RBFOX1: variants seen among roughly 807,000 people sequenced by gnomAD.
The protein encoded by RBFOX1 is RNA binding protein fox-1 homolog 1.
In RBFOX1, 8 loss-of-function variants were observed where a neutral mutation model predicts 57.7. The observed-to-expected ratio is 0.14, with a 90% CI of 0.08 to 0.25. RBFOX1 has a LOEUF of 0.25. RBFOX1 is among the 10% of genes least tolerant of loss of function. RBFOX1 has a pLI of 1.00. For synonymous variants in RBFOX1, 326 were observed against 222.4 expected (o/e 1.47, Z -4.15); for missense variants, 611 against 548.5 (o/e 1.11, Z -1.14).
chr16:6,633,718 C>G (rs369618889), intron 2 of RBFOX1, among the ~76,000 whole-genome samples: 1 of 152,060 alleles, frequency 6.6e-6, no homozygotes, highest in South Asian at 2.1e-4. Flanking sequence ...ACTTTGGAAT[C>G]GAGGCTCTAG....
chr16:5,836,133 C>G (rs79435968), intron 3 of RBFOX1, among the ~76,000 whole-genome samples: 2 of 152,074 alleles, frequency 1.3e-5, no homozygotes, highest in African/African-American at 4.8e-5. Flanking sequence ...GAGGCTGAGC[C>G]GGGGAGGGCA....
intron 4 of RBFOX1, among the ~76,000 whole-genome samples, chr16:7,505,954 G>A (rs1381302992): frequency 1.3e-5 from 2 of 152,034 alleles, no homozygotes; most frequent in Non-Finnish European, 2.9e-5. Flanking sequence ...GGGAGGCTGA[G>A]GTGAGTGGAT....
chr16:7,162,242 C>T (rs758600232), intron 4 of RBFOX1, among the ~76,000 whole-genome samples: 1 of 152,166 alleles, frequency 6.6e-6, no homozygotes, highest in African/African-American at 2.4e-5. Context: ...TATCTGTCCA[C>T]TCATCCATCA....
intron 3 of RBFOX1, among the ~76,000 whole-genome samples, chr16:5,830,071 A>C (rs927909842): frequency 6.6e-6 from 1 of 152,144 alleles, no homozygotes; most frequent in African/African-American, 2.4e-5. Context: ...CCACACTGCC[A>C]CTTTTCTTCA....
intron 1 of RBFOX1, among the ~76,000 whole-genome samples, chr16:5,464,616 C>G (rs1427972396): frequency 9.5e-6 from 1 of 104,826 alleles, no homozygotes; most frequent in African/African-American, 3.7e-5. Context: ...ACAGTGTTCT[C>G]CTCCCCAGAC....
At chr16:7,428,649 G>C (rs1198962697) in intron 4 of RBFOX1, among the ~76,000 whole-genome samples, 1 of 151,752 alleles carries the variant, frequency 6.6e-6, no homozygotes, top group Admixed American at 6.6e-5. Context: ...GGGATTACAG[G>C]TGTGAGTCAC....
intron 3 of RBFOX1, among the ~76,000 whole-genome samples, chr16:5,688,689 T>C (rs2050577455): frequency 6.6e-6 from 1 of 152,168 alleles, no homozygotes; most frequent in South Asian, 2.1e-4. Context: ...ACATGTAAAT[T>C]AATGAGACAT....
At chr16:6,880,047 T>C (rs1391490957) in intron 3 of RBFOX1, among the ~76,000 whole-genome samples, 2 of 152,218 alleles carry the variant, frequency 1.3e-5, no homozygotes, top group Non-Finnish European at 2.9e-5. Context: ...TCCATGCAAG[T>C]AAATTTTCCT....
intron 3 of RBFOX1, among the ~76,000 whole-genome samples, chr16:6,870,551 A>T (rs377149078): frequency 2.6e-5 from 4 of 152,208 alleles, no homozygotes; most frequent in African/African-American, 7.2e-5. Context: ...CACCTTGTAT[A>T]ACTTTTGCAG....
intron 3 of RBFOX1, among the ~76,000 whole-genome samples, chr16:6,780,345 A>ATATATTTTTATATGTATT (rs1555461169): frequency 1.2e-5 from 1 of 80,558 alleles, no homozygotes; most frequent in South Asian, 5.4e-4. Context: ...ATACATATTT[A>ATATATTTTTATATGTATT]TATACATATT....
intron 1 of RBFOX1, among the ~76,000 whole-genome samples, chr16:6,261,582 A>C (rs925663067): frequency 5.3e-5 from 8 of 152,108 alleles, no homozygotes; most frequent in African/African-American, 1.2e-4. Context: ...CCAGTCCATC[A>C]AGCTTCACCA....
At chr16:5,435,639 G>C (rs766535858) in intron 1 of RBFOX1, among the ~76,000 whole-genome samples, 2 of 152,122 alleles carry the variant, frequency 1.3e-5, no homozygotes, top group African/African-American at 4.8e-5. Context: ...GTCACCATAG[G>C]TCCCATGTTT....
chr16:7,182,318 C>CAA (rs1225082676), intron 4 of RBFOX1, among the ~76,000 whole-genome samples: 2 of 150,460 alleles, frequency 1.3e-5, no homozygotes, highest in African/African-American at 2.4e-5. Flanking sequence ...TGCCCCCCTG[C>CAA]AAAAAAAAAG....
chr16:6,957,583 G>A (rs2082138554), intron 3 of RBFOX1, among the ~76,000 whole-genome samples: 1 of 152,064 alleles, frequency 6.6e-6, no homozygotes, highest in Non-Finnish European at 1.5e-5. Flanking sequence ...GTTTTGGTGG[G>A]TTATGGCATC....
intron 1 of RBFOX1, among the ~76,000 whole-genome samples, chr16:5,320,859 T>C (rs1387909941): frequency 6.6e-6 from 1 of 152,124 alleles, no homozygotes; most frequent in Non-Finnish European, 1.5e-5. Context: ...GGGCTGTGTG[T>C]GCGCAGCTGA....
chr16:6,234,885 C>T (rs1015918300), intron 1 of RBFOX1, among the ~76,000 whole-genome samples: 2 of 152,054 alleles, frequency 1.3e-5, no homozygotes, highest in African/African-American at 2.4e-5. Flanking sequence ...GCACTAGTAT[C>T]GGTTTCCTTG....
chr16:7,130,617 G>C (rs377384522), intron 4 of RBFOX1, among the ~76,000 whole-genome samples: 1 of 152,162 alleles, frequency 6.6e-6, no homozygotes, highest in Non-Finnish European at 1.5e-5. Context: ...AGGGTCTGCA[G>C]TGGTGATGTA....
intron 3 of RBFOX1, among the ~76,000 whole-genome samples, chr16:6,871,930 TGTGTG>T (rs1456865825): frequency 1.3e-5 from 2 of 149,240 alleles, no homozygotes; most frequent in African/African-American, 2.5e-5. Flanking sequence ...TGTGTGTGTG[TGTGTG>T]TGTGTGTGTG....
intron 4 of RBFOX1, among the ~76,000 whole-genome samples, chr16:7,415,807 C>T (rs2098472619): frequency 6.6e-6 from 1 of 152,142 alleles, no homozygotes; most frequent in Non-Finnish European, 1.5e-5. Flanking sequence ...TCTTTCCAGG[C>T]CCTTCTTTCC....
Sources: allele counts gnomAD v4.1 joint callset (sites outside exome capture counted in the v4.1 genomes callset), GRCh38; gene constraint gnomAD v4.1.1; transcripts MANE v1.5; gene names NCBI Gene and HGNC (gene_info 2026-07-23, HGNC 2026-07-21).